The following ANKH variants were observed in gnomAD, a reference collection of about 807,000 sequenced individuals.
The protein encoded by ANKH is mineralization regulator ANKH.
A neutral mutation model predicts 49.0 loss-of-function variants in ANKH; 15 were observed. The ratio of observed to expected loss-of-function variants is 0.31; its 90% CI spans 0.20 to 0.47. The LOEUF (loss-of-function observed/expected upper bound fraction) is 0.47. Among genes scored for constraint, ANKH ranks in the 20% least tolerant of loss-of-function variants. The pLI is 1.00. For synonymous variants in ANKH, 273 were observed against 260.0 expected (o/e 1.05, Z -0.48); for missense variants, 429 against 652.0 (o/e 0.66, Z 3.72).
At position 14,713,707 on chromosome 5, in the gene ANKH, A is replaced by T; in HGVS notation, c.1142-40T>A. On this transcript the variant is annotated intron_variant, in intron 9 of 11. Coordinates refer to ENST00000284268, the MANE Select transcript of ANKH (RefSeq NM_054027.6). The surrounding 1 kb of genome is among the most constrained non-coding windows in gnomAD (Gnocchi z 4.4). Reference sequence around the variant, plus strand: ...AAAGGACTCGTCAGCCGTGCCCGCCATCCACTCCCCATCCTGCTGCCTCTG... The same window carrying T: ...AAAGGACTCGTCAGCCGTGCCCGCCTTCCACTCCCCATCCTGCTGCCTCTG... The T allele has an allele frequency of 2.5e-6, 4 of 1,612,148 alleles. No homozygotes were observed. Among genetic ancestry groups the T allele is most frequent in the East Asian group, 2.2e-5 (1 of 44,862 alleles).
chr5:14,846,972 C>T (rs558736981), intron 1 of ANKH, among the ~76,000 whole-genome samples: 3 of 145,742 alleles, frequency 2.1e-5, no homozygotes, highest in Non-Finnish European at 3.0e-5. Flanking sequence ...CATGCCACTG[C>T]GGTCCAGCCT....
chr5:14,838,185 C>T (rs939700865), intron 1 of ANKH, among the ~76,000 whole-genome samples: 1 of 152,048 alleles, frequency 6.6e-6, no homozygotes, highest in Non-Finnish European at 1.5e-5. Context: ...ATGGGTGCAG[C>T]ACACCAACAT....
At chr5:14,772,943 G>A (rs1218879851) in intron 1 of ANKH, among the ~76,000 whole-genome samples, 2 of 152,246 alleles carry the variant, frequency 1.3e-5, no homozygotes, top group Admixed American at 6.5e-5. Context: ...ACACTGGGGT[G>A]TGTAAGATCA....
chr5:14,759,989 G>A (rs1048573543), intron 2 of ANKH, among the ~76,000 whole-genome samples: 3 of 152,120 alleles, frequency 2.0e-5, no homozygotes, highest in Admixed American at 1.3e-4. Flanking sequence ...ATTAGAGGTG[G>A]GAGTAAGTGG....
chr5:14,720,220 C>CA, intron 8 of ANKH, among the ~76,000 whole-genome samples: 1 of 152,130 alleles, frequency 6.6e-6, no homozygotes, highest in Non-Finnish European at 1.5e-5. Flanking sequence ...CACTGGTTTT[C>CA]AAAAATGGCA....
intron 1 of ANKH, chr5:14,797,506 C>G: frequency 6.2e-7 from 1 of 1,611,306 alleles, no homozygotes; most frequent in African/African-American, 1.3e-5. Context: ...TCCCACAAGG[C>G]AACAGTCTTG....
intron 8 of ANKH, among the ~76,000 whole-genome samples, chr5:14,722,253 C>T (rs1262883665): frequency 6.6e-6 from 1 of 152,136 alleles, no homozygotes; most frequent in Non-Finnish European, 1.5e-5. Context: ...CCAGCACACA[C>T]CCCTAATAAT....
chr5:14,811,070 C>T (rs551319734), intron 1 of ANKH, among the ~76,000 whole-genome samples: 2 of 152,252 alleles, frequency 1.3e-5, no homozygotes, highest in African/African-American at 2.4e-5. Flanking sequence ...AGATCATGAT[C>T]CCTCCAGTAG....
At chr5:14,749,010 A>G (rs1341281394) in intron 6 of ANKH, among the ~76,000 whole-genome samples, 162 bp downstream of exon 6, 1 of 152,250 alleles carries the variant, frequency 6.6e-6, no homozygotes, top group Non-Finnish European at 1.5e-5. Flanking sequence ...TTACATGACT[A>G]TAAGTCACCG....
chr5:14,798,161 A>G, intron 1 of ANKH: 4 of 1,560,482 alleles, frequency 2.6e-6, no homozygotes, highest in Non-Finnish European at 3.5e-6. Flanking sequence ...CACTGGCTAT[A>G]ACAAGATGGT....
At chr5:14,795,448 A>G (rs976710295) in intron 1 of ANKH, among the ~76,000 whole-genome samples, 30 of 152,240 alleles carry the variant, frequency 2.0e-4, no homozygotes, top group Non-Finnish European at 2.2e-4. Flanking sequence ...TCCCCAAATC[A>G]TGTGCAATTG....
At chr5:14,759,246 C>T (rs1157530654) in intron 2 of ANKH, among the ~76,000 whole-genome samples, 3 of 152,106 alleles carry the variant, frequency 2.0e-5, no homozygotes, top group Admixed American at 6.6e-5. Flanking sequence ...CTTTTGTAGT[C>T]CTTCCAATAT....
At chr5:14,862,134 G>A (rs941552633) in intron 1 of ANKH, among the ~76,000 whole-genome samples, 6 of 152,198 alleles carry the variant, frequency 3.9e-5, no homozygotes, top group Admixed American at 1.3e-4. Context: ...TACTCAGGAG[G>A]CTGAGGCAGG....
At chr5:14,782,204 A>C (rs886883786) in intron 1 of ANKH, among the ~76,000 whole-genome samples, 12 of 152,180 alleles carry the variant, frequency 7.9e-5, no homozygotes, top group African/African-American at 2.7e-4. Context: ...GGACCTTAAG[A>C]AATCCAGTGA....
chr5:14,812,373 A>T lies in ANKH; in HGVS notation c.97-43182T>A, dbSNP rs844105. ...AACGCACTGGCTGCCTCCTTCACTG[A>T]GCGTTCCCCCTGTGACGAAACAGTC... On this transcript the variant is annotated intron_variant, in intron 1 of 11. Transcript: ENST00000284268. 3.9e-5 allele frequency among the ~76,000 whole-genome samples: 6 copies of T among 152,222 alleles called. No homozygotes were observed. In the South Asian group the frequency reaches 1.2e-3, roughly 32 times the overall value.
intron 11 of ANKH, among the ~76,000 whole-genome samples, 172 bp from the exon 12 acceptor site, chr5:14,711,482 G>A (rs767032453): frequency 5.3e-5 from 8 of 152,176 alleles, no homozygotes; most frequent in Non-Finnish European, 1.0e-4. Context: ...TGTGTTCCTT[G>A]CAGTTTGGTT....
chr5:14,830,412 T>A (rs1741468000), intron 1 of ANKH, among the ~76,000 whole-genome samples: 1 of 150,588 alleles, frequency 6.6e-6, no homozygotes, highest in African/African-American at 2.4e-5. Flanking sequence ...CTGGGAAGAG[T>A]CCAAACCAAA....
At chr5:14,797,471 C>T (rs1740425220) in intron 1 of ANKH, 1 of 1,611,282 alleles carries the variant, frequency 6.2e-7, no homozygotes, top group East Asian at 2.2e-5. Context: ...CAAAGGAATG[C>T]AACTTAAGTT....
Position 14,751,192 on chromosome 5 carries a change from C to T in ANKH, c.564G>A (p.Glu188=). 2 of 1,614,212 alleles carry T rather than the reference C, an allele frequency of 1.2e-6. No homozygotes were observed. The highest frequency in any genetic ancestry group is 1.7e-6 in the Non-Finnish European group (2 of 1,180,056). The change falls in exon 5 of 12, where the codon GAG becomes GAA. Residue 188 remains glutamate (E), a synonymous_variant. Transcript: ENST00000284268. ...ILLHSHLECR[E]PLLIPILSLY... Reference sequence around the variant, plus strand: ...AGGAGAGGATCGGGATGAGCAGGGGCTCCCGGCATTCCAGGTGACTGTGAA... The same window carrying T: ...AGGAGAGGATCGGGATGAGCAGGGGTTCCCGGCATTCCAGGTGACTGTGAA...
Sources: gnomAD v4.1 joint callset for allele counts (sites outside exome capture counted in the v4.1 genomes callset) on GRCh38, gnomAD v4.1.1 for gene constraint, Gnocchi (gnomAD v3.1) non-coding constraint, MANE v1.5 for transcripts, NCBI Gene and HGNC (gene_info 2026-07-23, HGNC 2026-07-21) for gene names.